The following PCCA variants were observed in gnomAD, a reference collection of about 807,000 sequenced individuals.
The protein encoded by PCCA is propionyl-CoA carboxylase subunit alpha.
Under a neutral mutation model 101.3 loss-of-function variants are expected in PCCA, and 74 were observed. The ratio of observed to expected loss-of-function variants is 0.73; its 90% CI spans 0.61 to 0.89. The LOEUF (loss-of-function observed/expected upper bound fraction) is 0.89, where lower values mean the gene tolerates loss of function less well. Among genes scored for constraint, PCCA ranks in the 40% least tolerant of loss-of-function variants. PCCA has a pLI of 0.00. For missense variants in PCCA, 891 were observed against 907.0 expected (o/e 0.98, Z 0.23); for synonymous variants, 294 against 313.6 (o/e 0.94, Z 0.66).
At chr13:100,095,169 C>T (rs1015526757) in intron 1 of PCCA, among the ~76,000 whole-genome samples, 4 of 152,172 alleles carry the variant, frequency 2.6e-5, no homozygotes, top group African/African-American at 7.2e-5. Context: ...TCTCCTCCTC[C>T]TTCTTGTGCG....
chr13:100,093,785 A>C (rs1319589815), intron 1 of PCCA, among the ~76,000 whole-genome samples: 2 of 152,082 alleles, frequency 1.3e-5, no homozygotes, highest in Non-Finnish European at 2.9e-5. Flanking sequence ...AAAATAAAAT[A>C]AAAATTAGCT....
At position 100,102,967 on chromosome 13, in the gene PCCA, A is replaced by G. The variant is rs369767655; in HGVS notation, c.183+7A>G. 12 of 1,543,274 alleles carry G rather than the reference A, an allele frequency of 7.8e-6. No individual in the cohort carries two copies. Among genetic ancestry groups the G allele is most frequent in the Non-Finnish European group, 1.1e-5 (12 of 1,115,718 alleles). On this transcript the variant is annotated splice_region_variant and intron_variant, in intron 2 of 23. Transcript: ENST00000376285. ...ATATGATCCTAATGAAAAAGTAAGT[A>G]TTTAAAAGATATTCTCAACAACTAA...
intron 18 of PCCA, among the ~76,000 whole-genome samples, chr13:100,356,377 G>A: frequency 6.6e-6 from 1 of 152,058 alleles, no homozygotes; most frequent in African/African-American, 2.4e-5. Context: ...ATAGTCTTTT[G>A]TCTAGTATAG....
chr13:100,427,912 GT>G (rs2079266859), intron 20 of PCCA, among the ~76,000 whole-genome samples: 1 of 152,152 alleles, frequency 6.6e-6, no homozygotes, highest in Non-Finnish European at 1.5e-5. Context: ...ATCAGGTGTA[GT>G]TTTAAGCATA....
intron 7 of PCCA, among the ~76,000 whole-genome samples, chr13:100,219,057 A>G (rs1284558923): frequency 6.6e-6 from 1 of 152,174 alleles, no homozygotes; most frequent in Non-Finnish European, 1.5e-5. Flanking sequence ...TCCAGTGACA[A>G]TGCAGCCTGG....
intron 7 of PCCA, among the ~76,000 whole-genome samples, chr13:100,223,155 C>G (rs1249755084): frequency 6.6e-6 from 1 of 150,686 alleles, no homozygotes; most frequent in Non-Finnish European, 1.5e-5. Flanking sequence ...GAATTGGGAT[C>G]ACAGCTTTTT....
intron 22 of PCCA, among the ~76,000 whole-genome samples, chr13:100,526,124 C>T (rs553009923): frequency 5.4e-4 from 82 of 152,280 alleles, no homozygotes; most frequent in African/African-American, 1.7e-3. Flanking sequence ...ATTCCCTGGT[C>T]TTTGCCTGCC....
At chr13:100,106,509 C>T (rs904779985) in intron 2 of PCCA, among the ~76,000 whole-genome samples, 4 of 152,114 alleles carry the variant, frequency 2.6e-5, no homozygotes, top group Non-Finnish European at 1.5e-5. Context: ...CTTCCGAGTT[C>T]AAGCGATTCT....
chr13:100,150,938 C>T, intron 4 of PCCA: 1 of 1,530,040 alleles, frequency 6.5e-7, no homozygotes, highest in East Asian at 2.2e-5. Context: ...CTTGGCCTCG[C>T]AGCCCAGTCA....
chr13:100,395,190 G>A (rs1474368078), intron 19 of PCCA, among the ~76,000 whole-genome samples: 3 of 152,182 alleles, frequency 2.0e-5, no homozygotes, highest in African/African-American at 7.2e-5. Context: ...TTATCCCAAA[G>A]CCACAGATCA....
chr13:100,304,680 G>A (rs575794047), intron 14 of PCCA, among the ~76,000 whole-genome samples: 2 of 152,326 alleles, frequency 1.3e-5, no homozygotes, highest in Non-Finnish European at 2.9e-5. Context: ...GCAGTGGTTT[G>A]AGAATCTCGT....
chr13:100,133,014 C>T (rs1350591527), intron 4 of PCCA, among the ~76,000 whole-genome samples: 2 of 152,068 alleles, frequency 1.3e-5, no homozygotes, highest in African/African-American at 2.4e-5. Flanking sequence ...CTCCTGACCT[C>T]GTGATTCACC....
intron 7 of PCCA, among the ~76,000 whole-genome samples, chr13:100,230,188 G>A (rs2060380643): frequency 6.6e-6 from 1 of 152,168 alleles, no homozygotes; most frequent in African/African-American, 2.4e-5. Context: ...GCAGGGCGTG[G>A]TGTATGTGTT....
At chr13:100,351,650 A>T (rs934319053) in intron 18 of PCCA, among the ~76,000 whole-genome samples, 1 of 152,222 alleles carries the variant, frequency 6.6e-6, no homozygotes, top group Non-Finnish European at 1.5e-5. Context: ...CTAGGAGACC[A>T]GTGTGGGCAT....
At chr13:100,210,417 G>A (rs1015944500) in intron 7 of PCCA, among the ~76,000 whole-genome samples, 3 of 152,252 alleles carry the variant, frequency 2.0e-5, no homozygotes, top group African/African-American at 7.2e-5. Context: ...TCTCTGGACT[G>A]CATTTAATAG....
chr13:100,469,712 T>A (rs7319707), intron 21 of PCCA, among the ~76,000 whole-genome samples: 9 of 151,180 alleles, frequency 6.0e-5, no homozygotes, highest in East Asian at 2.0e-4. Context: ...ACCCGGAGGC[T>A]GAGGTTGCAG....
chr13:100,396,635 C>T (rs1404618012), intron 19 of PCCA, among the ~76,000 whole-genome samples: 2 of 152,132 alleles, frequency 1.3e-5, no homozygotes, highest in Non-Finnish European at 2.9e-5. Context: ...ATATAGAAAC[C>T]TCTTATCTAT....
At chr13:100,278,543 G>A (rs1177809667) in intron 12 of PCCA, among the ~76,000 whole-genome samples, 4 of 150,814 alleles carry the variant, frequency 2.7e-5, no homozygotes, top group South Asian at 2.1e-4. Flanking sequence ...GTGCAGTGGC[G>A]TGATCTCGGC....
intron 22 of PCCA, among the ~76,000 whole-genome samples, chr13:100,516,629 G>T (rs963960899): frequency 6.6e-6 from 1 of 152,200 alleles, no homozygotes; most frequent in African/African-American, 2.4e-5. Context: ...ACGTGGCTGT[G>T]AATTGTTGTT....
Sources: gnomAD v4.1 joint callset for allele counts (sites outside exome capture counted in the v4.1 genomes callset) on GRCh38, gnomAD v4.1.1 for gene constraint, MANE v1.5 for transcripts, NCBI Gene and HGNC (gene_info 2026-07-23, HGNC 2026-07-21) for gene names.